The following TGM2 variants were observed in gnomAD, a reference collection of about 807,000 sequenced individuals.
TGM2 encodes transglutaminase 2.
In TGM2, 53 loss-of-function variants were observed where a neutral mutation model predicts 75.6. The ratio of observed to expected loss-of-function variants is 0.70; its 90% CI spans 0.56 to 0.88. The LOEUF (loss-of-function observed/expected upper bound fraction) is 0.88, where lower values mean the gene tolerates loss of function less well. TGM2 is among the 40% of genes least tolerant of loss of function. The pLI is 0.00. For missense variants in TGM2, 842 were observed against 928.5 expected (o/e 0.91, Z 1.21); for synonymous variants, 374 against 381.1 (o/e 0.98, Z 0.22).
intron 8 of TGM2, among the ~76,000 whole-genome samples, chr20:38,140,143 G>A (rs942168670): frequency 5.9e-5 from 9 of 152,252 alleles, no homozygotes; most frequent in African/African-American, 2.2e-4. Flanking sequence ...TGCCCCGCAT[G>A]GGGCCAGCCC....
At chr20:38,165,130 T>G in intron 1 of TGM2, 59 bp downstream of exon 1, 1 of 1,612,996 alleles carries the variant, frequency 6.2e-7, no homozygotes, top group Non-Finnish European at 8.5e-7. Context: ...TCCCACCGGG[T>G]CCTGACCCCC....
intron 1 of TGM2, 148 bp downstream of exon 1, chr20:38,165,041 G>C: frequency 8.6e-7 from 1 of 1,160,650 alleles, no homozygotes. Context: ...GGAAACTGAG[G>C]CTCCAAGCAG....
chr20:38,141,194 T>C, intron 8 of TGM2, 88 bp downstream of exon 8: 1 of 1,110,896 alleles, frequency 9.0e-7, no homozygotes, highest in Non-Finnish European at 1.3e-6. Flanking sequence ...GGTGAGCTCC[T>C]AGTTCTGCCG....
rs547874543 is a variant in TGM2, at chr20:38,137,917, T to G, written c.1615+196A>C. Reference sequence around the variant, plus strand: ...ACTCATCTGGAAAACGGAGCCATGTTAGAATCCACCCCCTCACTCTTGCAA... The same window carrying G: ...ACTCATCTGGAAAACGGAGCCATGTGAGAATCCACCCCCTCACTCTTGCAA... On this transcript the variant is annotated intron_variant, in intron 10 of 12. Coordinates refer to ENST00000361475, the MANE Select transcript of TGM2 (RefSeq NM_004613.4). 40 of 1,308,002 alleles carry G rather than the reference T, an allele frequency of 3.1e-5. No individual in the cohort carries two copies. The East Asian group carries it at 9.9e-4, about 33-fold the overall frequency. The allele number at this position is 1,308,002 out of a possible 1,614,324, so 81.0% of individuals were successfully genotyped here.
intron 1 of TGM2, among the ~76,000 whole-genome samples, chr20:38,162,014 T>C (rs911053603): frequency 1.3e-5 from 2 of 152,130 alleles, no homozygotes; most frequent in Admixed American, 6.5e-5. Flanking sequence ...TCATTTTTGG[T>C]TTTGCCATGT....
At chr20:38,166,148 C>T (rs377411063), upstream of TGM2, among the ~76,000 whole-genome samples, 1 of 142,908 alleles carries the variant, frequency 7.0e-6, no homozygotes, top group South Asian at 2.3e-4. Context: ...ACACCCATGT[C>T]CCTTCCTGTA....
intron 2 of TGM2, among the ~76,000 whole-genome samples, chr20:38,160,357 C>G (rs2075238967): frequency 6.6e-6 from 1 of 152,204 alleles, no homozygotes; most frequent in African/African-American, 2.4e-5. Context: ...GAATGGCCAA[C>G]AAAGAAAATT....
intron 11 of TGM2, 77 bp downstream of exon 11, chr20:38,132,263 G>A (rs1002153633): frequency 1.3e-6 from 2 of 1,526,296 alleles, no homozygotes; most frequent in African/African-American, 2.7e-5. Context: ...CAGGTGTGTG[G>A]GGTGGGGGTA....
intron 1 of TGM2, among the ~76,000 whole-genome samples, chr20:38,162,943 T>C (rs1004811308): frequency 1.3e-5 from 2 of 152,124 alleles, no homozygotes; most frequent in Middle Eastern, 3.2e-3. Flanking sequence ...CAGAGGTAGG[T>C]TTTAGTTCTG....
chr20:38,148,330 G>GTAACAATTTTCAACATT (rs2075072179), intron 4 of TGM2, among the ~76,000 whole-genome samples: 1 of 152,174 alleles, frequency 6.6e-6, no homozygotes, highest in African/African-American at 2.4e-5. Context: ...TTTCATCCAG[G>GTAACAATTTTCAACATT]GCCTGGTTGG....
chr20:38,165,285 C>T, upstream of TGM2: 1 of 1,597,548 alleles, frequency 6.3e-7, no homozygotes, highest in Non-Finnish European at 8.5e-7. Context: ...AGGCGGAGAG[C>T]GGCGCTAACT....
intron 3 of TGM2, among the ~76,000 whole-genome samples, chr20:38,153,689 G>C (rs1032399043): frequency 7.9e-5 from 12 of 152,082 alleles, no homozygotes; most frequent in African/African-American, 2.7e-4. Context: ...ATAAAATACA[G>C]CAATTTCTCC....
At chr20:38,151,354 G>C (rs2075113901) in intron 3 of TGM2, among the ~76,000 whole-genome samples, 1 of 152,176 alleles carries the variant, frequency 6.6e-6, no homozygotes, top group Non-Finnish European at 1.5e-5. Context: ...ATGAGGAAGG[G>C]ATCCTTGAAA....
At chr20:38,134,040 A>T (rs2074867789) in intron 10 of TGM2, among the ~76,000 whole-genome samples, 1 of 152,194 alleles carries the variant, frequency 6.6e-6, no homozygotes, top group South Asian at 2.1e-4. Context: ...CTAAAGAGGG[A>T]GATTGGCAAG....
intron 2 of TGM2, among the ~76,000 whole-genome samples, chr20:38,159,313 C>A (rs796758737): frequency 4.0e-4 from 61 of 152,204 alleles, no homozygotes; most frequent in African/African-American, 1.5e-3. Context: ...ATGACGAGAA[C>A]ATATGGACGC....
chr20:38,144,005 C>A (rs890942561), intron 6 of TGM2, among the ~76,000 whole-genome samples: 1 of 152,220 alleles, frequency 6.6e-6, no homozygotes, highest in Non-Finnish European at 1.5e-5. Flanking sequence ...CAGGGCTCAG[C>A]CCTAAGGCTG....
At chr20:38,132,142 A>T (rs1480465541) in intron 11 of TGM2, among the ~76,000 whole-genome samples, 198 bp downstream of exon 11, 2 of 152,078 alleles carry the variant, frequency 1.3e-5, no homozygotes, top group African/African-American at 4.8e-5. Flanking sequence ...TTTCAGATTC[A>T]TTCCTAGAGG....
chr20:38,161,405 G>T lies in TGM2; in HGVS notation c.190+15C>A. On this transcript the variant is annotated intron_variant, in intron 2 of 12. Transcript: ENST00000361475. Reference sequence around the variant, plus strand: ...GTGGTGGTGGTGGTGGTGGAGTGGGGTTGCAGGTACTCACCGGTCACGACA... The same window carrying T: ...GTGGTGGTGGTGGTGGTGGAGTGGGTTTGCAGGTACTCACCGGTCACGACA... 1 of 1,613,528 alleles carries T rather than the reference G, an allele frequency of 6.2e-7. No homozygotes were observed. The highest frequency in any genetic ancestry group is 1.1e-5 in the South Asian group (1 of 90,972).
At chr20:38,159,439 C>G (rs972613557) in intron 2 of TGM2, among the ~76,000 whole-genome samples, 4 of 151,780 alleles carry the variant, frequency 2.6e-5, no homozygotes, top group Non-Finnish European at 4.4e-5. Context: ...ACAAAATAAT[C>G]GGTACCACAA....
Sources: allele counts gnomAD v4.1 joint callset (sites outside exome capture counted in the v4.1 genomes callset), GRCh38; gene constraint gnomAD v4.1.1; transcripts MANE v1.5; gene names NCBI Gene and HGNC (gene_info 2026-07-23, HGNC 2026-07-21).